FRMD4A: variants seen among roughly 807,000 people sequenced by gnomAD.
FRMD4A encodes FERM domain-containing protein 4A.
Under a neutral mutation model 129.1 loss-of-function variants are expected in FRMD4A, and 29 were observed. That is an observed-to-expected ratio of 0.22 (90% confidence interval 0.17 to 0.31). FRMD4A has a LOEUF of 0.31. Ranked by LOEUF, FRMD4A falls within the 10% of genes least tolerant of loss-of-function variation. The probability of loss-of-function intolerance (pLI) is 1.00; values close to 1 mark genes in which losing one functional copy is unlikely to be tolerated. For missense variants in FRMD4A, 1,272 were observed against 1,375.8 expected, an observed-to-expected ratio of 0.92 and a Z score of 1.19; for synonymous variants, 634 against 571.6, an observed-to-expected ratio of 1.11 and a Z score of -1.56.
At chr10:13,696,751 A>G (rs896994523) in intron 14 of FRMD4A, among the ~76,000 whole-genome samples, 6 of 152,150 alleles carry the variant, frequency 3.9e-5, no homozygotes, top group African/African-American at 1.4e-4. Context: ...GACTGTCTAA[A>G]AAAAAAGACC....
chr10:13,962,373 T>C (rs2095451491), intron 2 of FRMD4A, among the ~76,000 whole-genome samples: 1 of 152,200 alleles, frequency 6.6e-6, no homozygotes, highest in African/African-American at 2.4e-5. Flanking sequence ...TAAAATGCAT[T>C]TGGAAATATA....
rs540952165 is a variant in FRMD4A, at chr10:13,995,681, A to G, written c.46-136769T>C. On this transcript the variant is annotated intron_variant, in intron 2 of 24. Transcript: ENST00000357447. Reference sequence around the variant, plus strand: ...CGAGAGTAATGTCAAATGGCACGGCATGTGGCCTTGGGAGCTGAGGTTCTG... The same window carrying G: ...CGAGAGTAATGTCAAATGGCACGGCGTGTGGCCTTGGGAGCTGAGGTTCTG... 2.0e-4 allele frequency among the ~76,000 whole-genome samples: 31 copies of G among 152,368 alleles called. No homozygotes were observed. The South Asian group carries it at 2.1e-3, about 10-fold the overall frequency.
At chr10:13,761,724 T>C (rs781620724) in intron 7 of FRMD4A, 55 bp from the exon 8 acceptor site, 6 of 1,194,330 alleles carry the variant, frequency 5.0e-6, no homozygotes, top group Non-Finnish European at 7.4e-6. Flanking sequence ...TGTTAGAGAC[T>C]CTAAAGTACA....
chr10:13,877,170 C>G (rs922626204), intron 2 of FRMD4A, among the ~76,000 whole-genome samples: 1 of 152,164 alleles, frequency 6.6e-6, no homozygotes, highest in Non-Finnish European at 1.5e-5. Context: ...AGACCACCTG[C>G]AAGTTTTCCA....
At chr10:14,263,794 G>T (rs1266755066) in intron 2 of FRMD4A, among the ~76,000 whole-genome samples, 2 of 152,180 alleles carry the variant, frequency 1.3e-5, no homozygotes, top group Admixed American at 6.5e-5. Context: ...ACTGCGACTG[G>T]CGCCCACCCT....
At chr10:14,251,782 G>A (rs1407073066) in intron 2 of FRMD4A, among the ~76,000 whole-genome samples, 1 of 152,136 alleles carries the variant, frequency 6.6e-6, no homozygotes, top group Non-Finnish European at 1.5e-5. Flanking sequence ...GAACCCAGAG[G>A]CAAATTACTT....
At chr10:14,026,826 C>T (rs1407970636) in intron 2 of FRMD4A, among the ~76,000 whole-genome samples, 2 of 152,198 alleles carry the variant, frequency 1.3e-5, no homozygotes, top group East Asian at 3.8e-4. Context: ...AGCCTGATGC[C>T]CATGAGGGGC....
At chr10:13,984,539 C>T (rs918736237) in intron 2 of FRMD4A, among the ~76,000 whole-genome samples, 3 of 152,198 alleles carry the variant, frequency 2.0e-5, no homozygotes, top group Non-Finnish European at 4.4e-5. Context: ...CTTCCTATTC[C>T]TCCCCTCTCC....
At position 14,076,554 on chromosome 10, in the gene FRMD4A, C is replaced by T. The variant is rs58227519; in HGVS notation, c.46-217642G>A. ...ACTCGGGAGGCTGAGGCAGGAGAAC[C>T]GCGTGAACCCGGGAGGCAGAGCTTG... On this transcript the variant is annotated intron_variant, in intron 2 of 24. Coordinates refer to ENST00000357447, the MANE Select transcript of FRMD4A (RefSeq NM_018027.5). Among the ~76,000 whole-genome samples, 1,496 of 151,996 alleles carry T rather than the reference C, an allele frequency of 9.8e-3. 83 individuals are homozygous for T. In the East Asian group the frequency reaches 0.16, roughly 16 times the overall value.
At chr10:13,739,183 G>A (rs1010288257) in intron 11 of FRMD4A, among the ~76,000 whole-genome samples, 2 of 152,316 alleles carry the variant, frequency 1.3e-5, no homozygotes, top group South Asian at 4.1e-4. Flanking sequence ...AAGATGAAAG[G>A]CAAAAGAGAT....
chr10:13,785,520 C>A (rs1441171964), intron 5 of FRMD4A, among the ~76,000 whole-genome samples: 1 of 152,064 alleles, frequency 6.6e-6, no homozygotes, highest in Non-Finnish European at 1.5e-5. Flanking sequence ...GAATGGAGAG[C>A]AAAATTGCAG....
Position 13,857,863 on chromosome 10 carries a change from G to A in FRMD4A, c.111+984C>T, listed in dbSNP as rs2094235377. 2.0e-5 allele frequency among the ~76,000 whole-genome samples: 3 copies of A among 152,232 alleles called. 1 individual carries two copies. In the South Asian group the frequency reaches 6.2e-4, roughly 32 times the overall value. On this transcript the variant is annotated intron_variant, in intron 3 of 24. Transcript: ENST00000357447. The stretch of plus-strand genomic sequence containing the variant: ...GTAAACTTTTAAAGTCAGAGTTGGA[G>A]ACACCATTCTTTAGAGCTTTGGGTC...
At chr10:14,139,691 C>T (rs1839737504) in intron 2 of FRMD4A, among the ~76,000 whole-genome samples, 1 of 152,132 alleles carries the variant, frequency 6.6e-6, no homozygotes, top group Non-Finnish European at 1.5e-5. Flanking sequence ...CTCAAGCAAT[C>T]CTCCCACTTC....
chr10:13,745,172 C>G (rs534207634), intron 9 of FRMD4A, among the ~76,000 whole-genome samples: 2 of 152,150 alleles, frequency 1.3e-5, no homozygotes, highest in African/African-American at 4.8e-5. Context: ...AGTATATATA[C>G]GTGAAAAATA....
At chr10:13,698,545 A>C (rs938665369) in intron 14 of FRMD4A, among the ~76,000 whole-genome samples, 1 of 152,226 alleles carries the variant, frequency 6.6e-6, no homozygotes, top group Admixed American at 6.5e-5. Context: ...TCTCTGATTT[A>C]ATTTGCGGGC....
At chr10:14,305,982 C>T (rs1846337873) in intron 2 of FRMD4A, among the ~76,000 whole-genome samples, 1 of 152,054 alleles carries the variant, frequency 6.6e-6, no homozygotes, top group South Asian at 2.1e-4. Flanking sequence ...GGCGGATGGG[C>T]AGTGGGAGAA....
chr10:13,736,150 T>TCAAA lies in FRMD4A; in HGVS notation c.759+1690_759+1693dup, dbSNP rs546327848. Among the ~76,000 whole-genome samples the TCAAA allele has an allele frequency of 3.2e-3, 484 of 151,834 alleles. 1 individual carries two copies. Among genetic ancestry groups the TCAAA allele is most frequent in the African/African-American group, 3.6e-3 (147 of 41,366 alleles). On this transcript the variant is annotated intron_variant, in intron 12 of 24. Transcript: ENST00000357447. ...CTGGGAGACAGAGCGAGACTCCATC[T>TCAAA]CAAACAAACAAACAAACAAACAAAC...
At chr10:13,903,504 G>A (rs1032058629) in intron 2 of FRMD4A, among the ~76,000 whole-genome samples, 1 of 152,158 alleles carries the variant, frequency 6.6e-6, no homozygotes, top group Non-Finnish European at 1.5e-5. Flanking sequence ...GAAGGCAGGA[G>A]GATCACTCTA....
intron 14 of FRMD4A, 37 bp downstream of exon 14, chr10:13,701,303 C>A (rs1200052221): frequency 6.3e-7 from 1 of 1,593,450 alleles, no homozygotes; most frequent in South Asian, 1.1e-5. Context: ...GAGAGGCAGA[C>A]AATGGCCCGG....
Sources: gnomAD v4.1 joint callset for allele counts (sites outside exome capture counted in the v4.1 genomes callset) on GRCh38, gnomAD v4.1.1 for gene constraint, MANE v1.5 for transcripts, NCBI Gene and HGNC (gene_info 2026-07-23, HGNC 2026-07-21) for gene names.